EYA2: variants seen among roughly 807,000 people sequenced by gnomAD.
EYA2 encodes the protein EYA transcriptional coactivator and phosphatase 2.
Under a neutral mutation model 69.2 loss-of-function variants are expected in EYA2, and 31 were observed. The ratio of observed to expected loss-of-function variants is 0.45; its 90% CI spans 0.34 to 0.60. The LOEUF is 0.60. Ranked by LOEUF, EYA2 falls within the 20% of genes least tolerant of loss-of-function variation. The probability of loss-of-function intolerance (pLI) is 0.02; values close to 1 mark genes in which losing one functional copy is unlikely to be tolerated. For missense variants in EYA2, 622 were observed against 701.2 expected (o/e 0.89, Z 1.28); for synonymous variants, 257 against 279.4 (o/e 0.92, Z 0.80).
chr20:47,133,559 C>A (rs140305262), intron 9 of EYA2, among the ~76,000 whole-genome samples: 1 of 152,274 alleles, frequency 6.6e-6, no homozygotes, highest in African/African-American at 2.4e-5. Context: ...AGACCACCTT[C>A]GGCCTCAATG....
At chr20:47,089,494 T>C in intron 8 of EYA2, 113 bp downstream of exon 8, 1 of 1,263,706 alleles carries the variant, frequency 7.9e-7, no homozygotes, top group East Asian at 2.4e-5. Flanking sequence ...CCCTTCGTGT[T>C]TTACAAAGCA....
chr20:47,002,731 A>AC (rs147395971), intron 3 of EYA2, among the ~76,000 whole-genome samples: 3 of 152,040 alleles, frequency 2.0e-5, no homozygotes, highest in Non-Finnish European at 4.4e-5. Context: ...ACCTAACCCC[A>AC]CACTGAGCCC....
chr20:47,126,019 G>A (rs1393009271), intron 9 of EYA2, among the ~76,000 whole-genome samples: 1 of 152,194 alleles, frequency 6.6e-6, no homozygotes, highest in Non-Finnish European at 1.5e-5. Flanking sequence ...GCAGCAAGCT[G>A]CCTGTATTTT....
chr20:46,981,206 C>T (rs945453258), intron 1 of EYA2, among the ~76,000 whole-genome samples: 1 of 152,158 alleles, frequency 6.6e-6, no homozygotes, highest in East Asian at 1.9e-4. Flanking sequence ...TAAAAGAGAT[C>T]ATGTAAATGT....
At chr20:47,136,654 G>A (rs1454186630) in intron 9 of EYA2, among the ~76,000 whole-genome samples, 3 of 151,308 alleles carry the variant, frequency 2.0e-5, no homozygotes, top group Admixed American at 6.6e-5. Context: ...GAGGCAGGAG[G>A]ACTGTTTGAG....
chr20:47,076,426 T>C (rs542946736), intron 7 of EYA2, among the ~76,000 whole-genome samples: 1 of 152,364 alleles, frequency 6.6e-6, no homozygotes, highest in African/African-American at 2.4e-5. Context: ...GGTATATCAT[T>C]GTGGTTTTGA....
chr20:47,047,632 C>T (rs1411122252), intron 5 of EYA2, among the ~76,000 whole-genome samples: 8 of 152,174 alleles, frequency 5.3e-5, no homozygotes. Context: ...GATAATCCAC[C>T]TGCCTCAGCC....
intron 1 of EYA2, among the ~76,000 whole-genome samples, chr20:46,899,562 C>T (rs1462179365): frequency 6.6e-6 from 1 of 152,202 alleles, no homozygotes; most frequent in African/African-American, 2.4e-5. Context: ...ACGGTAGGCG[C>T]AGCCCAAGTC....
chr20:47,023,699 G>A (rs576510872), intron 5 of EYA2, among the ~76,000 whole-genome samples: 17 of 141,054 alleles, frequency 1.2e-4, no homozygotes, highest in East Asian at 4.3e-4. Flanking sequence ...GTGCAGTGGC[G>A]TAATCTCGGC....
intron 1 of EYA2, among the ~76,000 whole-genome samples, chr20:46,952,732 T>A (rs1978880293): frequency 6.6e-6 from 1 of 152,202 alleles, no homozygotes; most frequent in Non-Finnish European, 1.5e-5. Flanking sequence ...GCCTGCGAGT[T>A]CAGCCCCACT....
intron 1 of EYA2, among the ~76,000 whole-genome samples, chr20:46,971,682 G>T (rs1980155246): frequency 6.6e-6 from 1 of 152,154 alleles, no homozygotes; most frequent in Admixed American, 6.5e-5. Context: ...CAGATCAGTG[G>T]GACTATGGGG....
At chr20:46,977,202 C>G (rs1313095064) in intron 1 of EYA2, among the ~76,000 whole-genome samples, 1 of 152,144 alleles carries the variant, frequency 6.6e-6, no homozygotes, top group Non-Finnish European at 1.5e-5. Context: ...AGCTATTTAT[C>G]CTATTAATTG....
chr20:46,952,335 T>G (rs975695244), intron 1 of EYA2, among the ~76,000 whole-genome samples: 1 of 152,004 alleles, frequency 6.6e-6, no homozygotes, highest in Non-Finnish European at 1.5e-5. Context: ...GCTCCAGAAG[T>G]CAGGGGCGGG....
At chr20:47,046,594 G>T in intron 5 of EYA2, among the ~76,000 whole-genome samples, 1 of 152,266 alleles carries the variant, frequency 6.6e-6, no homozygotes, top group East Asian at 1.9e-4. Context: ...GGAGGCTTGT[G>T]TAGGGGGGTG....
At chr20:47,098,139 A>G (rs960218403) in intron 9 of EYA2, among the ~76,000 whole-genome samples, 2 of 152,240 alleles carry the variant, frequency 1.3e-5, no homozygotes, top group Middle Eastern at 3.2e-3. Context: ...GTTGTAAAGA[A>G]TATAAAAATG....
chr20:47,090,998 T>C (rs191716713), intron 8 of EYA2, among the ~76,000 whole-genome samples: 51 of 152,240 alleles, frequency 3.3e-4, no homozygotes, highest in African/African-American at 1.2e-3. Context: ...GGTGTCTCGG[T>C]AGGATTGTCA....
intron 5 of EYA2, among the ~76,000 whole-genome samples, chr20:47,045,142 G>C (rs891064648): frequency 6.6e-6 from 1 of 152,188 alleles, no homozygotes; most frequent in Non-Finnish European, 1.5e-5. Flanking sequence ...GGCTCAGCTA[G>C]GTGGTTTTCC....
chr20:47,139,348 G>A (rs1201955880), intron 9 of EYA2, among the ~76,000 whole-genome samples: 1 of 152,232 alleles, frequency 6.6e-6, no homozygotes, highest in Non-Finnish European at 1.5e-5. Flanking sequence ...GCAGTCCTCA[G>A]TGACTGCCCA....
intron 1 of EYA2, among the ~76,000 whole-genome samples, chr20:46,909,154 G>A (rs1456467991): frequency 6.6e-6 from 1 of 151,998 alleles, no homozygotes; most frequent in African/African-American, 2.4e-5. Context: ...GTCATCTGGG[G>A]TTGATTTAAG....
Sources: gnomAD v4.1 joint callset for allele counts (sites outside exome capture counted in the v4.1 genomes callset) on GRCh38, gnomAD v4.1.1 for gene constraint, MANE v1.5 for transcripts, NCBI Gene and HGNC (gene_info 2026-07-23, HGNC 2026-07-21) for gene names.